Variants in NRXN1 observed in about 807,000 individuals in gnomAD.
The protein encoded by NRXN1 is neurexin-1.
Under a neutral mutation model 150.9 loss-of-function variants are expected in NRXN1, and 39 were observed. The observed-to-expected ratio is 0.26, with a 90% CI of 0.20 to 0.34. NRXN1 has a LOEUF of 0.34. Among genes scored for constraint, NRXN1 ranks in the 10% least tolerant of loss-of-function variants. NRXN1 has a pLI of 1.00. For missense variants in NRXN1, 1,815 were observed against 1,949.9 expected (o/e 0.93, Z 1.30); for synonymous variants, 924 against 757.0 (o/e 1.22, Z -3.62).
At chr2:50,069,199 A>T (rs1695829520) in intron 19 of NRXN1, among the ~76,000 whole-genome samples, 2 of 149,094 alleles carry the variant, frequency 1.3e-5, no homozygotes, top group African/African-American at 5.2e-5. Context: ...CTTCAAAGGG[A>T]TCCACTTCAA....
chr2:50,430,893 A>G (rs189058026), intron 17 of NRXN1, among the ~76,000 whole-genome samples: 88 of 152,204 alleles, frequency 5.8e-4, no homozygotes, highest in African/African-American at 2.1e-3. Context: ...CACATTCAAC[A>G]TTTTTGTCCT....
chr2:50,155,948 C>T (rs928927203), intron 18 of NRXN1, among the ~76,000 whole-genome samples: 1 of 151,536 alleles, frequency 6.6e-6, no homozygotes. Context: ...AATTTATTTG[C>T]ATATTTAAGT....
chr2:50,639,202 T>TTTTA lies in NRXN1; in HGVS notation c.833-15588_833-15587insTAAA, dbSNP rs1553916393. On this transcript the variant is annotated intron_variant, in intron 5 of 22. Transcript: ENST00000401669. ...TCACACTTTTATGCATTTATCATTT[T>TTTTA]TTTCTTTCTTTCTTTCTTTCTTTTT... Among the ~76,000 whole-genome samples the TTTTA allele has an allele frequency of 5.7e-4, 73 of 127,922 alleles. No homozygotes were observed. The East Asian group carries it at 0.015, about 27-fold the overall frequency. The allele number at this position is 127,922 out of a possible 152,430, so 83.9% of individuals were successfully genotyped here. A position where few individuals can be genotyped will look rare whatever the true frequency, so the allele number is the denominator to read the frequency against.
chr2:50,209,933 T>A (rs1226530656), intron 18 of NRXN1, among the ~76,000 whole-genome samples: 1 of 152,050 alleles, frequency 6.6e-6, no homozygotes, highest in Non-Finnish European at 1.5e-5. Context: ...ATACTATATA[T>A]GTACTGTTCT....
chr2:50,031,541 T>G (rs892154180), intron 21 of NRXN1, among the ~76,000 whole-genome samples: 1 of 152,072 alleles, frequency 6.6e-6, no homozygotes, highest in Non-Finnish European at 1.5e-5. Flanking sequence ...TCACAATATA[T>G]GGAATTTAGA....
intron 8 of NRXN1, among the ~76,000 whole-genome samples, chr2:50,609,319 G>C (rs1677645318): frequency 6.6e-6 from 1 of 152,108 alleles, no homozygotes; most frequent in African/African-American, 2.4e-5. Flanking sequence ...AGAATTTCAA[G>C]ATGACAAGAA....
chr2:50,042,958 C>T (rs1558756033), intron 21 of NRXN1, among the ~76,000 whole-genome samples: 1 of 152,060 alleles, frequency 6.6e-6, no homozygotes, highest in South Asian at 2.1e-4. Context: ...GTATCATTAA[C>T]TAGATCACAG....
Position 50,962,941 on chromosome 2 carries a change from T to C in NRXN1, c.773-36986A>G, listed in dbSNP as rs112473465. On this transcript the variant is annotated intron_variant, in intron 2 of 22. Transcript: ENST00000401669. ...AATACAGCCAAGATCATCAGAATTGTGCAAAAATGGCTTAGTCCTGTTGTC... is the reference window on the plus strand; with the variant it reads ...AATACAGCCAAGATCATCAGAATTGCGCAAAAATGGCTTAGTCCTGTTGTC... Among the ~76,000 whole-genome samples, 511 of 151,754 alleles carry C rather than the reference T, an allele frequency of 3.4e-3. 8 individuals are homozygous for C. Among genetic ancestry groups the C allele is most frequent in the African/African-American group, 0.012 (491 of 41,518 alleles).
At chr2:50,967,597 T>C (rs892730760) in intron 2 of NRXN1, among the ~76,000 whole-genome samples, 1 of 152,044 alleles carries the variant, frequency 6.6e-6, no homozygotes, top group Admixed American at 6.6e-5. Context: ...TGTACATTTA[T>C]AGAGATGTAA....
rs1383602662 is a variant in NRXN1 at position 50,829,653 on chromosome 2, G to A, written c.832+92216C>T. ...GATTCCAGTAGCCAGGTTGGTACGGGACGGCATCATAACAGGCTGACACAG... is the reference window on the plus strand; with the variant it reads ...GATTCCAGTAGCCAGGTTGGTACGGAACGGCATCATAACAGGCTGACACAG... On this transcript the variant is annotated intron_variant, in intron 5 of 22. Coordinates refer to ENST00000401669, the MANE Select transcript of NRXN1 (RefSeq NM_001330078.2). The A allele has an allele frequency of 9.3e-6, 15 of 1,611,698 alleles. No individual in the cohort carries two copies. The South Asian group carries it at 1.1e-4, about 12-fold the overall frequency.
At chr2:50,189,694 C>T (rs569999273) in intron 18 of NRXN1, among the ~76,000 whole-genome samples, 1 of 152,008 alleles carries the variant, frequency 6.6e-6, no homozygotes, top group South Asian at 2.1e-4. Context: ...TCAGTATAAG[C>T]AGAAAGGGAA....
At chr2:50,939,007 C>A (rs71411519) in intron 2 of NRXN1, among the ~76,000 whole-genome samples, 1 of 151,752 alleles carries the variant, frequency 6.6e-6, no homozygotes, top group African/African-American at 2.4e-5. Context: ...GTCAGGAGAT[C>A]GAGACCATCC....
At chr2:50,225,104 C>T (rs960514731) in intron 18 of NRXN1, among the ~76,000 whole-genome samples, 2 of 151,902 alleles carry the variant, frequency 1.3e-5, no homozygotes, top group Non-Finnish European at 2.9e-5. Flanking sequence ...CTTTTGTTTG[C>T]CTCAGGAGGT....
At chr2:50,190,473 T>C (rs2061372099) in intron 18 of NRXN1, among the ~76,000 whole-genome samples, 1 of 152,164 alleles carries the variant, frequency 6.6e-6, no homozygotes, top group Non-Finnish European at 1.5e-5. Flanking sequence ...AGTTATTTAG[T>C]TTCTAGTATT....
chr2:50,249,567 G>A (rs751563095), intron 17 of NRXN1, among the ~76,000 whole-genome samples: 2 of 151,804 alleles, frequency 1.3e-5, no homozygotes, highest in African/African-American at 2.4e-5. Flanking sequence ...TGATAAAAAG[G>A]TGTGACATAG....
chr2:50,066,976 C>T (rs182327612), intron 19 of NRXN1, among the ~76,000 whole-genome samples: 1 of 152,190 alleles, frequency 6.6e-6, no homozygotes, highest in Non-Finnish European at 1.5e-5. Flanking sequence ...GGTGGTGCAA[C>T]TCAAGAGTTC....
intron 5 of NRXN1, among the ~76,000 whole-genome samples, chr2:50,828,682 A>G (rs546188986): frequency 6.6e-6 from 1 of 151,330 alleles, no homozygotes; most frequent in East Asian, 2.0e-4. Flanking sequence ...GCGGCCGGGA[A>G]GAGGTGCTCC....
chr2:50,236,082 T>C (rs1430098839), intron 18 of NRXN1, among the ~76,000 whole-genome samples: 2 of 152,002 alleles, frequency 1.3e-5, no homozygotes, highest in African/African-American at 4.8e-5. Flanking sequence ...AACCCTAAAG[T>C]TAATTATGGC....
intron 21 of NRXN1, among the ~76,000 whole-genome samples, chr2:49,949,785 G>C (rs1421463299): frequency 1.3e-5 from 2 of 151,774 alleles, no homozygotes; most frequent in Non-Finnish European, 2.9e-5. Flanking sequence ...CTGATATTTA[G>C]ACTGAATTGA....
Sources: gnomAD v4.1 joint callset for allele counts (sites outside exome capture counted in the v4.1 genomes callset) on GRCh38, gnomAD v4.1.1 for gene constraint, MANE v1.5 for transcripts, NCBI Gene and HGNC (gene_info 2026-07-23, HGNC 2026-07-21) for gene names.